The following ADARB2 variants were observed in gnomAD, a reference collection of about 807,000 sequenced individuals.
ADARB2 encodes the protein inactive double-stranded RNA-specific editase B2.
In ADARB2, 25 loss-of-function variants were observed where a neutral mutation model predicts 62.2. The ratio of observed to expected loss-of-function variants is 0.40; its 90% CI spans 0.29 to 0.56. The LOEUF is 0.56. ADARB2 is among the 20% of genes least tolerant of loss of function. The pLI is 0.43. For synonymous variants in ADARB2, 572 were observed against 500.8 expected (o/e 1.14, Z -1.90); for missense variants, 1,071 against 1,077.4 (o/e 0.99, Z 0.08).
At chr10:1,682,973 C>A (rs1312644875) in intron 1 of ADARB2, among the ~76,000 whole-genome samples, 1 of 152,152 alleles carries the variant, frequency 6.6e-6, no homozygotes, top group Non-Finnish European at 1.5e-5. Flanking sequence ...TAACACAGCA[C>A]CGCGGAGGTG....
intron 1 of ADARB2, among the ~76,000 whole-genome samples, chr10:1,509,447 G>T (rs1564312168): frequency 6.6e-6 from 1 of 152,132 alleles, no homozygotes; most frequent in Non-Finnish European, 1.5e-5. Flanking sequence ...ATCCTTCAAA[G>T]AATTTGTACA....
At chr10:1,323,768 A>C (rs1325423027) in intron 3 of ADARB2, among the ~76,000 whole-genome samples, 2 of 152,234 alleles carry the variant, frequency 1.3e-5, no homozygotes, top group African/African-American at 2.4e-5. Context: ...AAGTAACTCA[A>C]AGTAGACCAC....
intron 1 of ADARB2, among the ~76,000 whole-genome samples, chr10:1,572,525 A>G (rs2131993896): frequency 6.6e-6 from 1 of 152,294 alleles, no homozygotes; most frequent in East Asian, 1.9e-4. Flanking sequence ...GTTGGTTTGT[A>G]TAGAAGAGAC....
chr10:1,363,283 C>G lies in ADARB2; in HGVS notation c.822G>C (p.Pro274=), dbSNP rs901554424. Residue 274 remains proline (P), a synonymous_variant, in exon 3 of 10, where the codon CCG becomes CCC. Transcript: ENST00000381312. Reference sequence around the variant, plus strand: ...GCAGCACCACGGGGTTGCGCTCGCCCGGGGCCGCGGGGGTGGCGGGGGTCG... The same window carrying G: ...GCAGCACCACGGGGTTGCGCTCGCCGGGGGCCGCGGGGGTGGCGGGGGTCG... The part of the protein sequence containing the change: ...VGPTPATPAA[P]GERNPVVLLN... 4 of 1,239,990 alleles carry G rather than the reference C, an allele frequency of 3.2e-6. No individual in the cohort carries two copies. The highest frequency in any genetic ancestry group is 4.0e-6 in the Non-Finnish European group (4 of 990,980). The allele number at this position is 1,239,990 out of a possible 1,614,324, so 76.8% of individuals were successfully genotyped here. A position where few individuals can be genotyped will look rare whatever the true frequency, so the allele number is the denominator to read the frequency against.
rs540393427 is a variant in ADARB2, at chr10:1,402,907, T to C, written c.101-23747A>G. Among the ~76,000 whole-genome samples the C allele has an allele frequency of 2.0e-5, 3 of 152,302 alleles. No individual in the cohort carries two copies. In the South Asian group the frequency reaches 6.2e-4, roughly 32 times the overall value. On this transcript the variant is annotated intron_variant, in intron 1 of 9. Coordinates refer to ENST00000381312, the MANE Select transcript of ADARB2 (RefSeq NM_018702.4). ...AGAGCATGAAGCTGAGGCCGGGACC[T>C]TCCAAGTGGAACTGGGCCGGCTCCT...
At chr10:1,471,898 C>G (rs550197841) in intron 1 of ADARB2, among the ~76,000 whole-genome samples, 1 of 152,212 alleles carries the variant, frequency 6.6e-6, no homozygotes, top group Non-Finnish European at 1.5e-5. Context: ...CCCTCCACAT[C>G]CCCCTTCCTA....
chr10:1,200,271 G>T (rs770475842), intron 7 of ADARB2, 124 bp from the exon 8 acceptor site: 3 of 1,343,792 alleles, frequency 2.2e-6, no homozygotes. Flanking sequence ...ACCTTGGGGA[G>T]CTCCCTGGGA....
intron 4 of ADARB2, among the ~76,000 whole-genome samples, chr10:1,257,294 C>T (rs1484855698): frequency 2.0e-5 from 3 of 152,190 alleles, no homozygotes; most frequent in East Asian, 1.9e-4. Context: ...AACCCACTGT[C>T]GATTGTAGCT....
intron 1 of ADARB2, among the ~76,000 whole-genome samples, chr10:1,550,980 G>C (rs955289821): frequency 6.6e-6 from 1 of 152,110 alleles, no homozygotes; most frequent in Non-Finnish European, 1.5e-5. Flanking sequence ...GGCTGTATTC[G>C]GCCCTGTCAA....
intron 1 of ADARB2, among the ~76,000 whole-genome samples, chr10:1,381,911 T>C (rs186545055): frequency 2.0e-5 from 3 of 152,256 alleles, no homozygotes; most frequent in Non-Finnish European, 4.4e-5. Flanking sequence ...TGAATGAGTT[T>C]TGGAGTCTTA....
chr10:1,736,739 C>A (rs996361655), intron 1 of ADARB2, among the ~76,000 whole-genome samples: 1 of 152,214 alleles, frequency 6.6e-6, no homozygotes, highest in Non-Finnish European at 1.5e-5. Context: ...CCAGCCCGGC[C>A]GGCCACTGGG....
In ADARB2 at chr10:1,233,684, G is replaced by A; in HGVS notation, c.1513+10C>T. 8.1e-6 allele frequency: 13 copies of A among 1,602,898 alleles called. No homozygotes were observed. The highest frequency in any genetic ancestry group is 1.1e-5 in the South Asian group (1 of 89,648). ...GTTGGCCTACAGAAGGTAAAAGCAT[G>A]GTCTCTTACGGTCTGTGGTGATCTC... On this transcript the variant is annotated intron_variant, in intron 6 of 9. Coordinates refer to ENST00000381312, the MANE Select transcript of ADARB2 (RefSeq NM_018702.4).
chr10:1,493,484 T>G (rs1482596444), intron 1 of ADARB2, among the ~76,000 whole-genome samples: 8 of 152,158 alleles, frequency 5.3e-5, no homozygotes. Context: ...TGTTTCTCTG[T>G]GTGCTACAAA....
chr10:1,682,217 G>A (rs1834546424), intron 1 of ADARB2, among the ~76,000 whole-genome samples: 1 of 152,166 alleles, frequency 6.6e-6, no homozygotes, highest in Non-Finnish European at 1.5e-5. Flanking sequence ...AGAGAGCACT[G>A]GGCGTCGAAG....
chr10:1,626,754 G>A (rs960041289), intron 1 of ADARB2, among the ~76,000 whole-genome samples: 10 of 152,278 alleles, frequency 6.6e-5, no homozygotes, highest in African/African-American at 2.4e-4. Context: ...TAACAGCCAC[G>A]CACAAAGCAA....
At chr10:1,510,110 CTCTTTCTTTCTTTCTTTCTTTCTTTCTT>C (rs35894676) in intron 1 of ADARB2, among the ~76,000 whole-genome samples, 81 of 106,252 alleles carry the variant, frequency 7.6e-4, no homozygotes, top group African/African-American at 2.2e-3. Flanking sequence ...CTTTCTTTCT[CTCTTTCTTTCTTTCTTTCTTTCTTTCTT>C]TCTTTCTTTC....
At chr10:1,679,092 A>G (rs531724063) in intron 1 of ADARB2, among the ~76,000 whole-genome samples, 68 of 152,272 alleles carry the variant, frequency 4.5e-4, no homozygotes, top group African/African-American at 1.5e-3. Context: ...CCCCATTTCC[A>G]GAGAGGCAGC....
At chr10:1,736,821 C>G (rs1481724001) in intron 1 of ADARB2, among the ~76,000 whole-genome samples, 1 of 152,194 alleles carries the variant, frequency 6.6e-6, no homozygotes, top group Admixed American at 6.5e-5. Context: ...TCGTCCGGGT[C>G]CCTCAAACAT....
chr10:1,574,564 T>A (rs534337329), intron 1 of ADARB2, among the ~76,000 whole-genome samples: 1 of 152,148 alleles, frequency 6.6e-6, no homozygotes, highest in Admixed American at 6.5e-5. Flanking sequence ...GGTCAAGGTG[T>A]CGGCAGGGCT....
Sources: allele counts gnomAD v4.1 joint callset (sites outside exome capture counted in the v4.1 genomes callset), GRCh38; gene constraint gnomAD v4.1.1; transcripts MANE v1.5; gene names NCBI Gene and HGNC (gene_info 2026-07-23, HGNC 2026-07-21).